The following GALNS variants were observed in gnomAD, a reference collection of about 807,000 sequenced individuals.
GALNS encodes the protein galactosamine (N-acetyl)-6-sulfatase, also known as N-acetylgalactosamine-6-sulfatase.
In GALNS, 65 loss-of-function variants were observed where a neutral mutation model predicts 65.9. That is an observed-to-expected ratio of 0.99 (90% confidence interval 0.81 to 1.21). GALNS has a LOEUF of 1.21. Ranked by LOEUF, GALNS falls within the 50% of genes most tolerant of loss-of-function variation. The pLI is 0.00. For synonymous variants in GALNS, 346 were observed against 288.9 expected, an observed-to-expected ratio of 1.20 and a Z score of -2.00; for missense variants, 776 against 700.7, an observed-to-expected ratio of 1.11 and a Z score of -1.21.
intron 13 of GALNS, chr16:88,817,195 C>A (rs1482820204): frequency 8.1e-6 from 8 of 985,276 alleles, no homozygotes; most frequent in African/African-American, 1.7e-5. Context: ...AAGCAGGGGA[C>A]AGAAAAGCTG....
intron 1 of GALNS, among the ~76,000 whole-genome samples, chr16:88,848,528 G>C (rs1169534212): frequency 6.6e-6 from 1 of 150,980 alleles, no homozygotes; most frequent in African/African-American, 2.4e-5. Context: ...AGCTACTCGG[G>C]AGGCTGAGGC....
chr16:88,837,363 G>C (rs1355917696), intron 5 of GALNS, among the ~76,000 whole-genome samples: 1 of 152,198 alleles, frequency 6.6e-6, no homozygotes, highest in Non-Finnish European at 1.5e-5. Context: ...GCTCTGCTGG[G>C]GGCCTTCCTC....
intron 6 of GALNS, 118 bp downstream of exon 6, chr16:88,836,083 A>G: frequency 9.0e-7 from 1 of 1,115,966 alleles, no homozygotes; most frequent in Middle Eastern, 2.1e-4. Flanking sequence ...CCCTGAACCC[A>G]TGCCTCCCAC....
chr16:88,816,927 G>A (rs915248005), intron 13 of GALNS: 5 of 985,356 alleles, frequency 5.1e-6, no homozygotes, highest in South Asian at 9.4e-5. Flanking sequence ...ACAGGTGAGC[G>A]ACGGCCCAGG....
rs1359450788 is a variant in GALNS at position 88,822,723 on chromosome 16, G to T, written c.1243-13C>A. 1 of 1,611,304 alleles carries T rather than the reference G, an allele frequency of 6.2e-7. No individual in the cohort carries two copies. The highest frequency in any genetic ancestry group is 1.7e-5 in the Admixed American group (1 of 59,934). ...AGAAATCAATGCCCTGCAATGAGAA[G>T]AGGGAAGGTGTGTCCTGGAGCCCCT... On this transcript the variant is annotated splice_polypyrimidine_tract_variant and intron_variant, in intron 11 of 13. Coordinates refer to ENST00000268695, the MANE Select transcript of GALNS (RefSeq NM_000512.5).
At chr16:88,817,460 G>A in intron 13 of GALNS, 1 of 985,400 alleles carries the variant, frequency 1.0e-6, no homozygotes, top group Non-Finnish European at 1.2e-6. Context: ...TCTGGGGCTG[G>A]CCCAGCATGA....
In GALNS at chr16:88,822,058, G is replaced by A. The variant is rs149584772; in HGVS notation, c.1364+531C>T. Among the ~76,000 whole-genome samples the A allele has an allele frequency of 4.6e-5, 7 of 152,274 alleles. No individual in the cohort carries two copies. In the East Asian group the frequency reaches 1.4e-3, roughly 29 times the overall value. On this transcript the variant is annotated intron_variant, in intron 12 of 13. Transcript: ENST00000268695. ...TTGGGGCCTCTGTGTCGCCCCTAAG[G>A]AGCTGCCAGCAGGTGAGTCTGGTAC...
intron 11 of GALNS, 77 bp downstream of exon 11, chr16:88,824,690 C>T: frequency 1.6e-6 from 2 of 1,223,738 alleles, no homozygotes; most frequent in Non-Finnish European, 1.2e-6. Flanking sequence ...TGTGCCTCCC[C>T]CAGGACGGTG....
intron 1 of GALNS, chr16:88,843,133 T>C: frequency 1.4e-6 from 2 of 1,438,410 alleles, no homozygotes; most frequent in East Asian, 3.2e-5. Context: ...AATGTGTCCG[T>C]CTGCCTCCTC....
At chr16:88,843,902 C>G (rs1732361925) in intron 1 of GALNS, 1 of 152,412 alleles carries the variant, frequency 6.6e-6, no homozygotes, top group South Asian at 2.1e-4. Flanking sequence ...GACACAAGGG[C>G]CACACAGGCT....
In GALNS at chr16:88,855,766, C is replaced by T. The variant is rs960618021; in HGVS notation, c.120+992G>A. ...TCCAATTCCGACAGCCACGACTGCC[C>T]AGCCCTTGGGTGTGGCCCGTGGCCC... is the stretch of plus-strand genomic sequence containing the variant. On this transcript the variant is annotated intron_variant, in intron 1 of 13. Transcript: ENST00000268695. 4 of 544,046 alleles carry T rather than the reference C, an allele frequency of 7.4e-6. No homozygotes were observed. The Admixed American group carries it at 9.8e-5, about 13-fold the overall frequency. 33.7% of individuals were successfully genotyped at this position (544,046 alleles called of 1,614,324 possible).
In GALNS at chr16:88,843,794, ACT is replaced by A. The variant is rs1567539360; in HGVS notation, c.121-967_121-966del. 1.6e-4 allele frequency: 25 copies of A among 155,266 alleles called. No individual in the cohort carries two copies. The East Asian group carries it at 4.4e-3, about 27-fold the overall frequency. 9.6% of individuals were successfully genotyped at this position (155,266 alleles called of 1,614,324 possible). ...GTGGTAACGTGTTATGTCTCAGGAA[ACT>A]CACGCACGTACCGCGGCACACTACC... On this transcript the variant is annotated intron_variant, in intron 1 of 13. Transcript: ENST00000268695.
Position 88,818,076 on chromosome 16 carries a change from G to A in GALNS, c.1413C>T (p.Val471=), listed in dbSNP as rs73251084. 2.2e-3 allele frequency: 3,486 copies of A among 1,574,452 alleles called. 72 individuals carry two copies. In the African/African-American group the frequency reaches 0.042, roughly 19 times the overall value. Residue 471 remains valine (V), a synonymous_variant, in exon 13 of 14, where the codon GTC becomes GTT. Coordinates refer to ENST00000268695, the MANE Select transcript of GALNS (RefSeq NM_000512.5). Reference sequence around the variant, plus strand: ...CCAAGGCCTCCTGGTGCTGCTGGACGACCGAGGTGATCCTGCTGAGGGCCT... The same window carrying A: ...CCAAGGCCTCCTGGTGCTGCTGGACAACCGAGGTGATCCTGCTGAGGGCCT... The part of the protein sequence containing the change: ...YQEALSRITS[V]VQQHQEALVP...
intron 1 of GALNS, chr16:88,844,789 T>C (rs1967164213): frequency 6.6e-6 from 1 of 152,288 alleles, no homozygotes; most frequent in Non-Finnish European, 1.5e-5. Context: ...CAAATATGGA[T>C]ATTTAGAGCT....
intron 4 of GALNS, among the ~76,000 whole-genome samples, chr16:88,840,090 C>G (rs1044630076): frequency 6.6e-6 from 1 of 152,222 alleles, no homozygotes; most frequent in Non-Finnish European, 1.5e-5. Flanking sequence ...CTGCTGTGCC[C>G]ATCAGCTCTG....
At chr16:88,824,345 A>G (rs1910574892) in intron 11 of GALNS, among the ~76,000 whole-genome samples, 1 of 151,484 alleles carries the variant, frequency 6.6e-6, no homozygotes, top group Non-Finnish European at 1.5e-5. Context: ...GTGGCGTTTC[A>G]CCCTCCCACA....
At chr16:88,837,881 C>A (rs769092815) in intron 4 of GALNS, 116 bp from the exon 5 acceptor site, 2 of 1,083,432 alleles carry the variant, frequency 1.8e-6, no homozygotes, top group Non-Finnish European at 2.8e-6. Flanking sequence ...CCCTCCAGCA[C>A]TGAGTATGGG....
chr16:88,820,203 A>G (rs1236943592), intron 12 of GALNS, among the ~76,000 whole-genome samples: 2 of 151,964 alleles, frequency 1.3e-5, no homozygotes, highest in Non-Finnish European at 2.9e-5. Flanking sequence ...ATCTCAGCTC[A>G]CTGCAACCTC....
chr16:88,845,444 C>T (rs570713031), intron 1 of GALNS: 2 of 151,186 alleles, frequency 1.3e-5, no homozygotes, highest in South Asian at 4.2e-4. Flanking sequence ...GTGCAGCTAC[C>T]CTATCTTAAA....
Sources: allele counts gnomAD v4.1 joint callset (sites outside exome capture counted in the v4.1 genomes callset), GRCh38; gene constraint gnomAD v4.1.1; transcripts MANE v1.5; gene names NCBI Gene and HGNC (gene_info 2026-07-23, HGNC 2026-07-21).